The following FHL5 variants were observed in gnomAD, a reference collection of about 807,000 sequenced individuals.
FHL5 encodes four and a half LIM domains 5.
In FHL5, 33 loss-of-function variants were observed where a neutral mutation model predicts 32.0. The ratio of observed to expected loss-of-function variants is 1.03; its 90% CI spans 0.78 to 1.38. The LOEUF (loss-of-function observed/expected upper bound fraction) is 1.38. Among genes scored for constraint, FHL5 ranks in the 40% most tolerant of loss-of-function variants. The probability of loss-of-function intolerance (pLI) is 0.00; values close to 1 mark genes in which losing one functional copy is unlikely to be tolerated. For missense variants in FHL5, 336 were observed against 343.9 expected (o/e 0.98, Z 0.18); for synonymous variants, 114 against 113.6 (o/e 1.00, Z -0.02).
chr6:96,602,920 G>T (rs1771185397), intron 1 of FHL5, among the ~76,000 whole-genome samples: 1 of 152,110 alleles, frequency 6.6e-6, no homozygotes, highest in South Asian at 2.1e-4. Flanking sequence ...ACCTGCTGAG[G>T]AGTTTTATTT....
intron 1 of FHL5, among the ~76,000 whole-genome samples, chr6:96,574,776 T>A (rs117126982): frequency 0.024 from 3,728 of 152,296 alleles, 55 homozygotes; most frequent in Non-Finnish European, 0.03. Context: ...ATAATATATA[T>A]AAAGTCACTT....
chr6:96,582,878 TAC>T (rs1241754011), intron 1 of FHL5, among the ~76,000 whole-genome samples: 1 of 152,138 alleles, frequency 6.6e-6, no homozygotes, highest in East Asian at 1.9e-4. Context: ...AAATGCAAAT[TAC>T]AGTTATAATT....
intron 1 of FHL5, among the ~76,000 whole-genome samples, chr6:96,566,234 T>A (rs1236476228): frequency 1.3e-5 from 2 of 152,042 alleles, no homozygotes; most frequent in Non-Finnish European, 2.9e-5. Context: ...TTCTTCATAT[T>A]CATGAGGACA....
rs1349889431 is a variant in FHL5, at chr6:96,617,324, T to A, written c.*1552T>A. Reference sequence around the variant, plus strand: ...ATTAAAGGTTTTGATTAAAATCTAATTGTAAGATACTGCTGATTACAATTA... The same window carrying A: ...ATTAAAGGTTTTGATTAAAATCTAAATGTAAGATACTGCTGATTACAATTA... On this transcript the variant is annotated 3_prime_UTR_variant, in exon 6 of 6. Coordinates refer to ENST00000450218, the MANE Select transcript of FHL5 (RefSeq NM_001322466.2). Among the ~76,000 whole-genome samples, 1 of 152,224 alleles carries A rather than the reference T, an allele frequency of 6.6e-6. No homozygotes were observed. Among genetic ancestry groups the A allele is most frequent in the South Asian group, 2.1e-4 (1 of 4,834 alleles).
intron 1 of FHL5, among the ~76,000 whole-genome samples, chr6:96,594,750 T>C (rs1223835028): frequency 6.6e-6 from 1 of 152,024 alleles, no homozygotes; most frequent in African/African-American, 2.4e-5. Context: ...ACGTACTTTC[T>C]ATGAAATAAT....
chr6:96,562,583 C>G (rs997256893), upstream of FHL5: 1 of 152,336 alleles, frequency 6.6e-6, no homozygotes, highest in Non-Finnish European at 1.5e-5. Flanking sequence ...TGAGTCCACA[C>G]TGCAAGTCCA....
In FHL5 at chr6:96,616,352, C is replaced by T. The variant is rs1466953310; in HGVS notation, c.*580C>T. On this transcript the variant is annotated 3_prime_UTR_variant, in exon 6 of 6. Coordinates refer to ENST00000450218, the MANE Select transcript of FHL5 (RefSeq NM_001322466.2). ...CTACAATTTGCCCTCATACACACTG[C>T]TTCCACAGCTTGCTAGTTCTGTGTT... The T allele has an allele frequency of 6.6e-6, 1 of 152,180 alleles. No individual in the cohort carries two copies. The highest frequency in any genetic ancestry group is 1.5e-5 in the Non-Finnish European group (1 of 68,038). The allele number at this position is 152,180 out of a possible 1,614,324, so 9.4% of individuals were successfully genotyped here.
chr6:96,593,948 G>T (rs1770974458), intron 1 of FHL5, among the ~76,000 whole-genome samples: 2 of 151,732 alleles, frequency 1.3e-5, no homozygotes, highest in South Asian at 2.1e-4. Context: ...TTATTTTGGG[G>T]AAAAATTATT....
intron 1 of FHL5, among the ~76,000 whole-genome samples, chr6:96,573,614 C>T (rs186053916): frequency 6.7e-4 from 100 of 150,174 alleles, no homozygotes; most frequent in African/African-American, 1.9e-3. Context: ...CTCCACCTCC[C>T]GGGTTCACGC....
At chr6:96,613,447 C>T (rs1167757454) in intron 5 of FHL5, among the ~76,000 whole-genome samples, 2 of 152,182 alleles carry the variant, frequency 1.3e-5, no homozygotes, top group African/African-American at 4.8e-5. Flanking sequence ...GTGCTCTGGA[C>T]TGAGGAGCAA....
Position 96,595,210 on chromosome 6 carries a change from G to A in FHL5, c.-12-8392G>A, listed in dbSNP as rs576772833. On this transcript the variant is annotated intron_variant, in intron 1 of 5. Coordinates refer to ENST00000450218, the MANE Select transcript of FHL5 (RefSeq NM_001322466.2). ...TTTGTCAACTTAAATATGTTTTTAT[G>A]TCATCCTATTCTTTAAATTAAGCTT... 2.0e-5 allele frequency among the ~76,000 whole-genome samples: 3 copies of A among 151,438 alleles called. No homozygotes were observed. The East Asian group carries it at 5.8e-4, about 29-fold the overall frequency.
At chr6:96,594,580 G>A (rs1253886429) in intron 1 of FHL5, among the ~76,000 whole-genome samples, 5 of 151,914 alleles carry the variant, frequency 3.3e-5, no homozygotes, top group Non-Finnish European at 5.9e-5. Context: ...TTTGAACTCA[G>A]ATTGGTTGCA....
intron 1 of FHL5, among the ~76,000 whole-genome samples, chr6:96,578,510 T>C (rs1275890624): frequency 2.0e-5 from 3 of 152,132 alleles, no homozygotes; most frequent in African/African-American, 7.2e-5. Context: ...AAGTCAATCA[T>C]TGCAAACTGG....
intron 1 of FHL5, among the ~76,000 whole-genome samples, chr6:96,583,605 T>C (rs902745358): frequency 5.3e-5 from 8 of 152,156 alleles, no homozygotes; most frequent in Non-Finnish European, 2.9e-5. Flanking sequence ...GGAAGCTCAT[T>C]GGTGCCCGAA....
chr6:96,592,792 C>T (rs551908197), intron 1 of FHL5, among the ~76,000 whole-genome samples: 10 of 152,298 alleles, frequency 6.6e-5, no homozygotes, highest in Admixed American at 2.6e-4. Flanking sequence ...GGGTCCCTGA[C>T]TTCCCGCAAC....
chr6:96,569,745 AT>A (rs921742847), intron 1 of FHL5, among the ~76,000 whole-genome samples: 1 of 134,520 alleles, frequency 7.4e-6, no homozygotes, highest in Non-Finnish European at 1.7e-5. Flanking sequence ...ATTTGTATGG[AT>A]TTTTTTTCCA....
At chr6:96,598,362 A>G (rs752734187) in intron 1 of FHL5, among the ~76,000 whole-genome samples, 1 of 152,206 alleles carries the variant, frequency 6.6e-6, no homozygotes, top group African/African-American at 2.4e-5. Context: ...CATCCTGAAC[A>G]CACACTGTAA....
intron 1 of FHL5, among the ~76,000 whole-genome samples, chr6:96,567,867 G>T: frequency 1.0e-5 from 1 of 97,870 alleles, no homozygotes; most frequent in Admixed American, 1.2e-4. Flanking sequence ...TACTGAATCT[G>T]TTTATCAGTT....
At chr6:96,564,380 A>T (rs988144697) in intron 1 of FHL5, among the ~76,000 whole-genome samples, 1 of 152,188 alleles carries the variant, frequency 6.6e-6, no homozygotes, top group African/African-American at 2.4e-5. Flanking sequence ...AAATTGCTTT[A>T]AGGGGAAGGT....
Sources: gnomAD v4.1 joint callset for allele counts (sites outside exome capture counted in the v4.1 genomes callset) on GRCh38, gnomAD v4.1.1 for gene constraint, MANE v1.5 for transcripts, NCBI Gene and HGNC (gene_info 2026-07-23, HGNC 2026-07-21) for gene names.